The following LPP variants were observed in gnomAD, a reference collection of about 807,000 sequenced individuals.
The protein encoded by LPP is lipoma-preferred partner.
A neutral mutation model predicts 60.4 loss-of-function variants in LPP; 38 were observed. That is an observed-to-expected ratio of 0.63 (90% CI 0.49 to 0.83). The LOEUF (loss-of-function observed/expected upper bound fraction) is 0.83, where lower values mean the gene tolerates loss of function less well. LPP is among the 40% of genes least tolerant of loss of function. The pLI, the probability that LPP is intolerant of heterozygous loss-of-function variation, is 0.00. For missense variants in LPP, 902 were observed against 783.6 expected (o/e 1.15, Z -1.80); for synonymous variants, 328 against 290.8 (o/e 1.13, Z -1.30).
At chr3:188,366,424 C>G (rs939983294) in intron 3 of LPP, among the ~76,000 whole-genome samples, 2 of 152,172 alleles carry the variant, frequency 1.3e-5, no homozygotes, top group East Asian at 3.9e-4. Context: ...GAAGGGCACT[C>G]TCTTTCCCTC....
At position 188,530,310 on chromosome 3, in the gene LPP, C is replaced by T. The variant is rs529641170; in HGVS notation, c.429+5523C>T. 1.1e-4 allele frequency among the ~76,000 whole-genome samples: 16 copies of T among 152,308 alleles called. No homozygotes were observed. The South Asian group carries it at 3.3e-3, about 32-fold the overall frequency. ...GCTTACAGCTACTTTATAAAAAAAT[C>T]CTCCATGACGCTGCATGGATTTATG... On this transcript the variant is annotated intron_variant, in intron 6 of 11. Transcript: ENST00000617246.
chr3:188,608,435 T>C lies in LPP; in HGVS notation c.430-726T>C, dbSNP rs747661741. On this transcript the variant is annotated intron_variant, in intron 6 of 11. Coordinates refer to ENST00000617246, the MANE Select transcript of LPP (RefSeq NM_001375462.1). ...ACATCATCTATTGAAGAAATTTTCT[T>C]TACCTATCATCTATTCTTTGCCCCC... Among the ~76,000 whole-genome samples, 81 of 152,172 alleles carry C rather than the reference T, an allele frequency of 5.3e-4. 1 individual carries two copies. The highest frequency in any genetic ancestry group is 3.3e-3 in the Admixed American group (51 of 15,276).
intron 6 of LPP, among the ~76,000 whole-genome samples, chr3:188,533,275 T>C (rs972452779): frequency 1.3e-5 from 2 of 152,200 alleles, no homozygotes; most frequent in Admixed American, 1.3e-4. Context: ...AAATGTTTAA[T>C]GCTTCATATT....
At chr3:188,380,564 C>A (rs1560326667) in intron 3 of LPP, among the ~76,000 whole-genome samples, 1 of 152,220 alleles carries the variant, frequency 6.6e-6, no homozygotes, top group Non-Finnish European at 1.5e-5. Context: ...GTGTTTGCAT[C>A]TCTTGTAGCC....
chr3:188,494,729 A>C (rs1166390609), intron 5 of LPP, among the ~76,000 whole-genome samples: 1 of 151,974 alleles, frequency 6.6e-6, no homozygotes, highest in African/African-American at 2.4e-5. Context: ...TTAACACTGC[A>C]AGTGCTCTTC....
intron 4 of LPP, among the ~76,000 whole-genome samples, chr3:188,443,537 TAAC>T (rs1262197837): frequency 6.6e-6 from 1 of 152,212 alleles, no homozygotes; most frequent in African/African-American, 2.4e-5. Flanking sequence ...TGTAGGTACT[TAAC>T]AAACATGAAG....
intron 4 of LPP, among the ~76,000 whole-genome samples, chr3:188,470,253 A>G (rs910066730): frequency 1.4e-5 from 2 of 142,534 alleles, no homozygotes; most frequent in African/African-American, 5.3e-5. Context: ...CAATCTTTCA[A>G]CCTCTCTTTT....
chr3:188,611,173 G>A (rs1183414613), intron 7 of LPP, among the ~76,000 whole-genome samples: 1 of 152,196 alleles, frequency 6.6e-6, no homozygotes, highest in African/African-American at 2.4e-5. Flanking sequence ...ACTGTGAAGA[G>A]CTGGAGAAAT....
In LPP at chr3:188,193,717, T is replaced by C. The variant is rs78953060; in HGVS notation, c.-189-31688T>C. Among the ~76,000 whole-genome samples the C allele has an allele frequency of 1.7e-4, 26 of 152,230 alleles. No individual in the cohort carries two copies. The East Asian group carries it at 3.1e-3, about 18-fold the overall frequency. Reference sequence around the variant, plus strand: ...GAACTTCGCTGGCTATGGGAAAATGTGTGGTTGAGAAATAGCAAGTAGAAG... The same window carrying C: ...GAACTTCGCTGGCTATGGGAAAATGCGTGGTTGAGAAATAGCAAGTAGAAG... On this transcript the variant is annotated intron_variant, in intron 1 of 11. Coordinates refer to ENST00000617246, the MANE Select transcript of LPP (RefSeq NM_001375462.1).
At chr3:188,853,890 A>G (rs1216683773) in intron 9 of LPP, among the ~76,000 whole-genome samples, 1 of 152,076 alleles carries the variant, frequency 6.6e-6, no homozygotes, top group Non-Finnish European at 1.5e-5. Flanking sequence ...ATGCATTTGA[A>G]CAAACCAAAA....
At chr3:188,279,769 A>C (rs893971264) in intron 2 of LPP, among the ~76,000 whole-genome samples, 4 of 152,228 alleles carry the variant, frequency 2.6e-5, no homozygotes, top group African/African-American at 9.6e-5. Context: ...TATCAAATTT[A>C]TTCTTGCAGG....
chr3:188,429,783 T>C (rs1224773094), intron 4 of LPP, among the ~76,000 whole-genome samples: 1 of 152,120 alleles, frequency 6.6e-6, no homozygotes, highest in Non-Finnish European at 1.5e-5. Context: ...AAGACCTCAT[T>C]TGTAAGGACC....
intron 2 of LPP, among the ~76,000 whole-genome samples, chr3:188,299,887 A>C (rs73061529): frequency 0.044 from 6,673 of 152,268 alleles, 498 homozygotes; most frequent in African/African-American, 0.15. Context: ...CTGTCTCTGG[A>C]GATCATCATC....
chr3:188,839,953 A>G (rs1213433561), intron 9 of LPP, among the ~76,000 whole-genome samples: 5 of 152,246 alleles, frequency 3.3e-5, no homozygotes, highest in Non-Finnish European at 7.3e-5. Context: ...TAGTTTTATT[A>G]TCCACAAATA....
intron 3 of LPP, among the ~76,000 whole-genome samples, chr3:188,391,127 G>A (rs954845609): frequency 3.9e-5 from 6 of 152,216 alleles, no homozygotes; most frequent in Admixed American, 3.9e-4. Context: ...CTGTGGAGGT[G>A]TGGAATGTTG....
intron 2 of LPP, among the ~76,000 whole-genome samples, chr3:188,287,325 A>G (rs1744278219): frequency 6.6e-6 from 1 of 152,192 alleles, no homozygotes; most frequent in Non-Finnish European, 1.5e-5. Flanking sequence ...CAGCCCATGG[A>G]GGCTTCTCAT....
At position 188,469,582 on chromosome 3, in the gene LPP, C is replaced by T. The variant is rs116123132; in HGVS notation, c.194-15010C>T. Reference sequence around the variant, plus strand: ...CCAAGTCAGTACTACCCCGAGGCTCCGTATGCAGTTCCTTTCCAAGATTTT... The same window carrying T: ...CCAAGTCAGTACTACCCCGAGGCTCTGTATGCAGTTCCTTTCCAAGATTTT... On this transcript the variant is annotated intron_variant, in intron 4 of 11. Coordinates refer to ENST00000617246, the MANE Select transcript of LPP (RefSeq NM_001375462.1). 3.6e-3 allele frequency among the ~76,000 whole-genome samples: 554 copies of T among 152,166 alleles called. 6 individuals are homozygous for T. Among genetic ancestry groups the T allele is most frequent in the African/African-American group, 0.012 (503 of 41,516 alleles).
At chr3:188,240,376 T>TGAGA (rs1553827496) in intron 2 of LPP, among the ~76,000 whole-genome samples, 6,413 of 143,252 alleles carry the variant, frequency 0.045, 492 homozygotes, top group African/African-American at 0.16. Context: ...TGTGTGTGTG[T>TGAGA]GAGAGAGAGA....
intron 3 of LPP, among the ~76,000 whole-genome samples, chr3:188,361,453 C>T (rs542826538): frequency 1.7e-3 from 241 of 138,660 alleles, no homozygotes; most frequent in Non-Finnish European, 3.3e-3. Context: ...CCTCCTTCCC[C>T]TCCCTCCCTT....
Sources: allele counts gnomAD v4.1 joint callset (sites outside exome capture counted in the v4.1 genomes callset), GRCh38; gene constraint gnomAD v4.1.1; transcripts MANE v1.5; gene names NCBI Gene and HGNC (gene_info 2026-07-23, HGNC 2026-07-21).